NCOA4: variants seen among roughly 807,000 people sequenced by gnomAD.
NCOA4 encodes nuclear receptor coactivator 4, also known as 70 kDa AR-activator.
A neutral mutation model predicts 69.5 loss-of-function variants in NCOA4; 31 were observed. The ratio of observed to expected loss-of-function variants is 0.45; its 90% CI spans 0.34 to 0.60. The LOEUF (loss-of-function observed/expected upper bound fraction) is 0.60. NCOA4 is among the 20% of genes least tolerant of loss of function. The pLI is 0.02. For missense variants in NCOA4, 600 were observed against 719.2 expected (o/e 0.83, Z 1.90); for synonymous variants, 228 against 252.4 (o/e 0.90, Z 0.92).
intron 1 of NCOA4, among the ~76,000 whole-genome samples, chr10:46,027,187 C>T (rs1350895732): frequency 6.8e-6 from 1 of 146,800 alleles, no homozygotes; most frequent in Admixed American, 7.1e-5. Context: ...AGAAGAATGG[C>T]GTGAACCCGG....
At chr10:46,016,297 CTAAG>C (rs1554923170) in intron 2 of NCOA4, among the ~76,000 whole-genome samples, 1 of 53,954 alleles carries the variant, frequency 1.9e-5, no homozygotes, top group Non-Finnish European at 4.5e-5. Flanking sequence ...AGTTAGTAAT[CTAAG>C]TAAGCTGAAT....
Position 46,010,914 on chromosome 10 carries a change from T to C in NCOA4, c.1007A>G (p.Asn336Ser). 6.2e-7 allele frequency: 1 copy of C among 1,613,946 alleles called. No individual in the cohort carries two copies. Among genetic ancestry groups the C allele is most frequent in the Non-Finnish European group, 8.5e-7 (1 of 1,179,866 alleles). Reference protein sequence around the residue: ...EKFKLLFQSYNVNDWLVKTDS... With the variant: ...EKFKLLFQSYSVNDWLVKTDS... ...AGTCTTGACAAGCCAATCATTCACA[T>C]TATAGGACTGGAATAAGAGCTTAAA... Residue 336 changes from asparagine (N) to serine (S), a missense_variant, in exon 8 of 10, where the codon AAT (asparagine) becomes AGT (serine). Transcript: ENST00000581486.
chr10:46,014,871 G>A lies in NCOA4; in HGVS notation c.354C>T (p.Val118=), dbSNP rs1182393432. 1.6e-5 allele frequency: 26 copies of A among 1,613,940 alleles called. No individual in the cohort carries two copies. Among genetic ancestry groups the A allele is most frequent in the Non-Finnish European group, 2.0e-5 (24 of 1,179,850 alleles). ...GTCATTACCTCTCCAGGCACACAGA[G>A]ACTTGATTGGCTAGATCTTTGTTTT... ...CTQNKDLANQ[V]SVCLERLGSL... The change falls in exon 4 of 10, where the codon GTC becomes GTT. Residue 118 remains valine (V), a synonymous_variant. Coordinates refer to ENST00000581486, the MANE Select transcript of NCOA4 (RefSeq NM_001145263.2).
chr10:46,017,553 C>CA (rs782412180), intron 1 of NCOA4, among the ~76,000 whole-genome samples: 5 of 151,280 alleles, frequency 3.3e-5, no homozygotes, highest in African/African-American at 9.7e-5. Context: ...AAAACAACAA[C>CA]AAAAAAGAAT....
At chr10:46,017,586 T>C (rs1839638856) in intron 1 of NCOA4, among the ~76,000 whole-genome samples, 1 of 152,080 alleles carries the variant, frequency 6.6e-6, no homozygotes. Flanking sequence ...GAGATACATG[T>C]TTTATATAGA....
Position 46,015,144 on chromosome 10 carries a change from C to T in NCOA4, c.264G>A (p.Gln88=). Residue 88 remains glutamine, a synonymous_variant, in exon 3 of 10, where the codon CAG becomes CAA. Coordinates refer to ENST00000581486, the MANE Select transcript of NCOA4 (RefSeq NM_001145263.2). ...YQLKEETLQQ[Q]AQQLYSLLGQ... ...ACCTTACCGAGTAGAGCTGCTGAGC[C>T]TGCTGTTGAAGTGTCTCCTCTTTAA... 1 of 1,614,228 alleles carries T rather than the reference C, an allele frequency of 6.2e-7. No individual in the cohort carries two copies. Among genetic ancestry groups the T allele is most frequent in the Non-Finnish European group, 8.5e-7 (1 of 1,180,036 alleles).
chr10:46,015,291 T>C (rs1839471970), intron 2 of NCOA4, 25 bp from the exon 3 acceptor site: 1 of 1,443,630 alleles, frequency 6.9e-7, no homozygotes, highest in Middle Eastern at 2.3e-4. Context: ...CATGTTAGCT[T>C]CCTAGTGTTA....
intron 5 of NCOA4, 75 bp from the exon 6 acceptor site, chr10:46,013,714 C>A (rs1356416538): frequency 9.4e-7 from 1 of 1,068,172 alleles, no homozygotes; most frequent in Non-Finnish European, 1.4e-6. Flanking sequence ...TTCCAAATTT[C>A]AAAAATGTTA....
rs58364266 is a variant in NCOA4, at chr10:46,019,420, A to G, written c.-14-2726T>C. 2,543 of 985,474 alleles carry G rather than the reference A, an allele frequency of 2.6e-3. 37 individuals carry two copies. The African/African-American group carries it at 0.039, about 15-fold the overall frequency. 61.0% of individuals were successfully genotyped at this position (985,474 alleles called of 1,614,324 possible). On this transcript the variant is annotated intron_variant, in intron 1 of 9. Transcript: ENST00000581486. Reference sequence around the variant, plus strand: ...TAGGCCAGTCATGCAAGACCTGTTTAGCAGTCTTTCAAATGTGTTACCCAG... The same window carrying G: ...TAGGCCAGTCATGCAAGACCTGTTTGGCAGTCTTTCAAATGTGTTACCCAG...
chr10:46,010,103 G>A, intron 8 of NCOA4, 120 bp downstream of exon 8: 1 of 1,250,696 alleles, frequency 8.0e-7, no homozygotes, highest in South Asian at 1.6e-5. Flanking sequence ...CGGAAGGGGA[G>A]GTTGCAATGA....
At chr10:46,018,203 C>A (rs1839680586) in intron 1 of NCOA4, among the ~76,000 whole-genome samples, 1 of 152,136 alleles carries the variant, frequency 6.6e-6, no homozygotes, top group Non-Finnish European at 1.5e-5. Context: ...ACACACAAGA[C>A]AAACATTAAA....
At chr10:46,008,188 T>C (rs1838966029) in intron 9 of NCOA4, among the ~76,000 whole-genome samples, 3 of 152,364 alleles carry the variant, frequency 2.0e-5, no homozygotes, top group East Asian at 1.9e-4. Context: ...CTGCAGCCTA[T>C]GGATCAAAGA....
At chr10:46,018,878 G>A (rs1401432445) in intron 1 of NCOA4, among the ~76,000 whole-genome samples, 5 of 152,156 alleles carry the variant, frequency 3.3e-5, no homozygotes, top group Non-Finnish European at 7.4e-5. Flanking sequence ...ACTTTGCCAG[G>A]CCTTGACTGC....
intron 7 of NCOA4, among the ~76,000 whole-genome samples, chr10:46,012,074 A>G (rs1564921491): frequency 2.1e-4 from 11 of 52,172 alleles, no homozygotes; most frequent in South Asian, 1.9e-3. Flanking sequence ...AAGAAAGAAA[A>G]AAAAAAAAAA....
chr10:46,023,438 G>A, intron 1 of NCOA4: 1 of 985,690 alleles, frequency 1.0e-6, no homozygotes, highest in Non-Finnish European at 1.2e-6. Context: ...CCGCCCACGC[G>A]TCACACGGCA....
At position 46,025,113 on chromosome 10, in the gene NCOA4, G is replaced by A. The variant is rs113730670; in HGVS notation, c.-15+5413C>T. On this transcript the variant is annotated intron_variant, in intron 1 of 9. Transcript: ENST00000581486. ...ACCATGGCTCAGTCCAAGTGCAAAG[G>A]CCTCAGAACCAGGAAAGCAGATGGT... 5.3e-3 allele frequency among the ~76,000 whole-genome samples: 802 copies of A among 152,280 alleles called. 4 individuals are homozygous for A. The highest frequency in any genetic ancestry group is 0.01 in the Middle Eastern group (3 of 294).
At position 46,015,235 on chromosome 10, in the gene NCOA4, C is replaced by T. The variant is rs781954653; in HGVS notation, c.173G>A (p.Arg58His). The stretch of plus-strand genomic sequence containing the variant: ...ACGGCTTCTAAGACATTCCAGGTGA[C>T]GGCTTATGCAACTGTGAATCTGAGC... ...VKAQIHSCIS[R>H]HLECLRSREV... The change falls in exon 3 of 10, where the codon CGT (arginine) becomes CAT (histidine). Residue 58 changes from arginine to histidine, a missense_variant. Arg to His is a conservative substitution (Grantham distance 29). Coordinates refer to ENST00000581486, the MANE Select transcript of NCOA4 (RefSeq NM_001145263.2). 4 of 1,613,670 alleles carry T rather than the reference C, an allele frequency of 2.5e-6. No homozygotes were observed. The highest frequency in any genetic ancestry group is 2.2e-5 in the East Asian group (1 of 44,854).
intron 1 of NCOA4, chr10:46,023,357 G>C: frequency 1.0e-6 from 1 of 985,650 alleles, no homozygotes; most frequent in Non-Finnish European, 1.2e-6. Flanking sequence ...CGACTCACCA[G>C]CTGCCCGGCA....
intron 1 of NCOA4, among the ~76,000 whole-genome samples, chr10:46,019,135 T>C (rs1298456463): frequency 6.6e-6 from 1 of 152,214 alleles, no homozygotes; most frequent in Non-Finnish European, 1.5e-5. Context: ...CTTTTCTCCA[T>C]AATCATCTAT....
Sources: allele counts gnomAD v4.1 joint callset (sites outside exome capture counted in the v4.1 genomes callset), GRCh38; gene constraint gnomAD v4.1.1; transcripts MANE v1.5; gene names NCBI Gene and HGNC (gene_info 2026-07-23, HGNC 2026-07-21).